The following GRIK1 variants were observed in gnomAD, a reference collection of about 807,000 sequenced individuals.
GRIK1 encodes the protein glutamate receptor ionotropic, kainate 1.
A neutral mutation model predicts 105.7 loss-of-function variants in GRIK1; 69 were observed. The ratio of observed to expected loss-of-function variants is 0.65; its 90% CI spans 0.54 to 0.80. The LOEUF is 0.80. Ranked by LOEUF, GRIK1 falls within the 30% of genes least tolerant of loss-of-function variation. The probability of loss-of-function intolerance (pLI) is 0.00; values close to 1 mark genes in which losing one functional copy is unlikely to be tolerated. For synonymous variants in GRIK1, 438 were observed against 431.3 expected, an observed-to-expected ratio of 1.02 and a Z score of -0.19; for missense variants, 1,109 against 1,167.3, an observed-to-expected ratio of 0.95 and a Z score of 0.73.
At chr21:29,704,240 C>T (rs560076809) in intron 1 of GRIK1, among the ~76,000 whole-genome samples, 2 of 152,102 alleles carry the variant, frequency 1.3e-5, no homozygotes, top group African/African-American at 4.8e-5. Flanking sequence ...AGCTTCCAGT[C>T]TTTTGGGATA....
chr21:29,809,535 C>T (rs1415215944), intron 1 of GRIK1, among the ~76,000 whole-genome samples: 1 of 152,198 alleles, frequency 6.6e-6, no homozygotes. Flanking sequence ...TTAAGAGGCT[C>T]TTGCGGCTGG....
At chr21:29,611,673 A>T (rs1284745157) in intron 7 of GRIK1, among the ~76,000 whole-genome samples, 1 of 152,126 alleles carries the variant, frequency 6.6e-6, no homozygotes, top group East Asian at 1.9e-4. Context: ...GGGGTTCAGA[A>T]CCAGTCTATC....
rs111528306 is a variant in GRIK1, at chr21:29,642,741, A to C, written c.1098+85T>G. 31 of 1,196,176 alleles carry C rather than the reference A, an allele frequency of 2.6e-5. No individual in the cohort carries two copies. In the African/African-American group the frequency reaches 4.0e-4, roughly 16 times the overall value. The allele number at this position is 1,196,176 out of a possible 1,614,324, so 74.1% of individuals were successfully genotyped here. A position where few individuals can be genotyped will look rare whatever the true frequency, so the allele number is the denominator to read the frequency against. ...TCTCTCTTAGGGGCATCATGCCAGC[A>C]GAACCCTGTGGGGAGGACCATACCA... On this transcript the variant is annotated intron_variant, in intron 7 of 17. Coordinates refer to ENST00000327783, the MANE Select transcript of GRIK1 (RefSeq NM_001330994.2).
At chr21:29,796,433 C>A (rs1217891648) in intron 1 of GRIK1, among the ~76,000 whole-genome samples, 1 of 151,828 alleles carries the variant, frequency 6.6e-6, no homozygotes, top group East Asian at 1.9e-4. Context: ...TAATTTTCAC[C>A]ATTGAGATTA....
At chr21:29,898,819 T>C (rs972788842) in intron 1 of GRIK1, among the ~76,000 whole-genome samples, 1 of 152,098 alleles carries the variant, frequency 6.6e-6, no homozygotes, top group Non-Finnish European at 1.5e-5. Context: ...GTATTCAAAG[T>C]AGATTTTATA....
At chr21:29,537,754 A>G (rs1343211659) in intron 17 of GRIK1, 44 bp downstream of exon 17, 4 of 895,886 alleles carry the variant, frequency 4.5e-6, no homozygotes, top group Non-Finnish European at 5.7e-6. Flanking sequence ...TAGGATTATC[A>G]AGGCATACGG....
intron 1 of GRIK1, among the ~76,000 whole-genome samples, chr21:29,893,233 A>C (rs952377468): frequency 1.3e-5 from 2 of 152,218 alleles, no homozygotes. Context: ...GATTCATCTT[A>C]GGTTTGAATC....
chr21:29,606,391 T>A (rs1231517760), intron 7 of GRIK1, among the ~76,000 whole-genome samples: 2 of 152,134 alleles, frequency 1.3e-5, no homozygotes, highest in Admixed American at 6.6e-5. Context: ...CAGCTAGGTG[T>A]TAAGCCCCAC....
At chr21:29,850,548 A>C (rs1287866243) in intron 1 of GRIK1, among the ~76,000 whole-genome samples, 2 of 152,180 alleles carry the variant, frequency 1.3e-5, no homozygotes, top group Non-Finnish European at 2.9e-5. Flanking sequence ...ACAAAAAACG[A>C]ATCCCAGGAA....
At chr21:29,551,193 G>GCA (rs1377410566) in intron 16 of GRIK1, among the ~76,000 whole-genome samples, 2 of 152,140 alleles carry the variant, frequency 1.3e-5, no homozygotes, top group Admixed American at 6.5e-5. Flanking sequence ...AACTTGTGAC[G>GCA]CACACTGAGA....
At chr21:29,850,756 C>G (rs1323432041) in intron 1 of GRIK1, among the ~76,000 whole-genome samples, 1 of 152,114 alleles carries the variant, frequency 6.6e-6, no homozygotes, top group African/African-American at 2.4e-5. Context: ...ACTCATAAGT[C>G]ACATCTTCAG....
At chr21:29,925,813 C>G (rs548681045) in intron 1 of GRIK1, among the ~76,000 whole-genome samples, 1 of 152,192 alleles carries the variant, frequency 6.6e-6, no homozygotes, top group South Asian at 2.1e-4. Context: ...TTTTTTATGA[C>G]GTTCTCAAAA....
intron 4 of GRIK1, among the ~76,000 whole-genome samples, chr21:29,658,832 T>C (rs2062906232): frequency 6.6e-6 from 1 of 152,188 alleles, no homozygotes; most frequent in Non-Finnish European, 1.5e-5. Flanking sequence ...TTCTAGCCAA[T>C]GAAGTGGAGG....
chr21:29,785,600 ATTAC>A, intron 1 of GRIK1, among the ~76,000 whole-genome samples: 1 of 148,464 alleles, frequency 6.7e-6, no homozygotes, highest in Non-Finnish European at 1.5e-5. Context: ...CGAAAAACCC[ATTAC>A]TTCATTTTTG....
rs550379709 is a variant in GRIK1 at position 29,660,124 on chromosome 21, C to T, written c.727-5261G>A. Among the ~76,000 whole-genome samples, 14 of 152,280 alleles carry T rather than the reference C, an allele frequency of 9.2e-5. No individual in the cohort carries two copies. The South Asian group carries it at 2.5e-3, about 27-fold the overall frequency. On this transcript the variant is annotated intron_variant, in intron 4 of 17. Transcript: ENST00000327783. ...TTGACAGCAGTGATCCCACATTGGT[C>T]CAGCTGCTTTCTGGAGTTTTTGCCA...
Position 29,856,628 on chromosome 21 carries a change from A to G in GRIK1, c.118+82755T>C, listed in dbSNP as rs138666952. On this transcript the variant is annotated intron_variant, in intron 1 of 17. Transcript: ENST00000327783. ...AAGCACCGATGATATAGAAGGAGAA[A>G]ATACAGATACAGTTCTTGCTCTTCT... is the stretch of plus-strand genomic sequence containing the variant. Among the ~76,000 whole-genome samples, 18 of 152,344 alleles carry G rather than the reference A, an allele frequency of 1.2e-4. 1 individual carries two copies. The highest frequency in any genetic ancestry group is 3.3e-4 in the Admixed American group (5 of 15,302).
chr21:29,824,760 C>A (rs553662872), intron 1 of GRIK1, among the ~76,000 whole-genome samples: 1 of 151,926 alleles, frequency 6.6e-6, no homozygotes, highest in South Asian at 2.1e-4. Flanking sequence ...GTAAGGATTT[C>A]GCCTTATTTT....
At chr21:29,698,120 G>C (rs771891773) in intron 1 of GRIK1, among the ~76,000 whole-genome samples, 1 of 151,316 alleles carries the variant, frequency 6.6e-6, no homozygotes, top group Admixed American at 6.6e-5. Flanking sequence ...AGTGTGAGCT[G>C]TCAATGAGAC....
chr21:29,583,630 G>A (rs1257225673), intron 12 of GRIK1, among the ~76,000 whole-genome samples: 1 of 152,154 alleles, frequency 6.6e-6, no homozygotes, highest in Non-Finnish European at 1.5e-5. Context: ...TAATTTTTGT[G>A]TGGCAAAAAG....
Sources: allele counts gnomAD v4.1 joint callset (sites outside exome capture counted in the v4.1 genomes callset), GRCh38; gene constraint gnomAD v4.1.1; transcripts MANE v1.5; gene names NCBI Gene and HGNC (gene_info 2026-07-23, HGNC 2026-07-21).